The following SEMA5A variants were observed in gnomAD, a reference collection of about 807,000 sequenced individuals.
SEMA5A encodes semaphorin-5A.
Under a neutral mutation model 135.5 loss-of-function variants are expected in SEMA5A, and 55 were observed. The observed-to-expected ratio is 0.41, with a 90% CI of 0.33 to 0.51. The LOEUF is 0.51. Among genes scored for constraint, SEMA5A ranks in the 20% least tolerant of loss-of-function variants. The pLI is 0.37. For synonymous variants in SEMA5A, 580 were observed against 546.5 expected (o/e 1.06, Z -0.85); for missense variants, 1,290 against 1,419.9 (o/e 0.91, Z 1.47).
At position 9,132,214 on chromosome 5, in the gene SEMA5A, AT is replaced by A. The variant is rs1741476513; in HGVS notation, c.1599+4289del. On this transcript the variant is annotated intron_variant, in intron 13 of 22. Coordinates refer to ENST00000382496, the MANE Select transcript of SEMA5A (RefSeq NM_003966.3). ...AAAATAAGTCTTCTTTAAGTCCCTA[AT>A]TCCCTAGAAATATTTATTGGGGGTC... 2.0e-5 allele frequency among the ~76,000 whole-genome samples: 3 copies of A among 152,206 alleles called. No individual in the cohort carries two copies. The South Asian group carries it at 6.2e-4, about 32-fold the overall frequency.
At chr5:9,412,500 T>C (rs1250426176) in intron 2 of SEMA5A, among the ~76,000 whole-genome samples, 1 of 151,502 alleles carries the variant, frequency 6.6e-6, no homozygotes, top group Non-Finnish European at 1.5e-5. Flanking sequence ...CTTTTTTTTT[T>C]TTTTTTTCAC....
intron 10 of SEMA5A, among the ~76,000 whole-genome samples, chr5:9,192,330 GA>G (rs1745157172): frequency 6.6e-6 from 1 of 152,262 alleles, no homozygotes; most frequent in South Asian, 2.1e-4. Context: ...GGGCTACTGT[GA>G]GACCAGCTGA....
chr5:9,048,967 A>C (rs1191808181), intron 21 of SEMA5A, among the ~76,000 whole-genome samples: 2 of 152,080 alleles, frequency 1.3e-5, no homozygotes, highest in Non-Finnish European at 2.9e-5. Flanking sequence ...GGGGTCTCTG[A>C]TGATATGATT....
chr5:9,095,553 G>C (rs571853472), intron 16 of SEMA5A, among the ~76,000 whole-genome samples: 1 of 152,270 alleles, frequency 6.6e-6, no homozygotes, highest in African/African-American at 2.4e-5. Context: ...ATAAAAAATA[G>C]TCAATGTTTT....
At position 9,038,232 on chromosome 5, in the gene SEMA5A, C is replaced by CA. The variant is rs1735759333; in HGVS notation, c.*4664dup. On this transcript the variant is annotated 3_prime_UTR_variant, in exon 23 of 23. Coordinates refer to ENST00000382496, the MANE Select transcript of SEMA5A (RefSeq NM_003966.3). Reference sequence around the variant, plus strand: ...ATATAGTTAAGGTTATTAGTACCGTCATAGAAATTGATTATTGGAGGTGTG... The same window carrying CA: ...ATATAGTTAAGGTTATTAGTACCGTCAATAGAAATTGATTATTGGAGGTGTG... 1 of 152,192 alleles carries CA rather than the reference C, an allele frequency of 6.6e-6. No homozygotes were observed. The highest frequency in any genetic ancestry group is 6.5e-5 in the Admixed American group (1 of 15,280). The allele number at this position is 152,192 out of a possible 1,614,324, so 9.4% of individuals were successfully genotyped here.
chr5:9,044,649 A>G, intron 21 of SEMA5A, 65 bp from the exon 22 acceptor site: 1 of 1,354,706 alleles, frequency 7.4e-7, no homozygotes, highest in Non-Finnish European at 1.1e-6. Context: ...TACTCAAAGC[A>G]CTAGGATGAA....
At chr5:9,315,776 T>C (rs1752361996) in intron 5 of SEMA5A, among the ~76,000 whole-genome samples, 1 of 152,202 alleles carries the variant, frequency 6.6e-6, no homozygotes, top group Admixed American at 6.6e-5. Context: ...TCTGTCCCAT[T>C]GCTGGTGAAG....
At chr5:9,378,402 G>C (rs1464451273) in intron 3 of SEMA5A, among the ~76,000 whole-genome samples, 1 of 152,188 alleles carries the variant, frequency 6.6e-6, no homozygotes, top group Non-Finnish European at 1.5e-5. Flanking sequence ...AGTAGATTGA[G>C]GCTGTGATCA....
chr5:9,424,306 G>A (rs2126638667), intron 2 of SEMA5A, among the ~76,000 whole-genome samples: 2 of 152,318 alleles, frequency 1.3e-5, no homozygotes, highest in South Asian at 4.1e-4. Context: ...CTAAGATGTT[G>A]AATGAAATCC....
intron 5 of SEMA5A, among the ~76,000 whole-genome samples, chr5:9,303,355 A>C (rs1344318111): frequency 6.6e-5 from 10 of 152,128 alleles, no homozygotes. Context: ...TAACCTCGTG[A>C]TCCACCTGCC....
At chr5:9,455,769 C>G (rs1375345756) in intron 1 of SEMA5A, among the ~76,000 whole-genome samples, 1 of 152,102 alleles carries the variant, frequency 6.6e-6, no homozygotes, top group East Asian at 1.9e-4. Flanking sequence ...GAAGCTAAAA[C>G]AAGGACGTGT....
chr5:9,246,265 C>T (rs539634185), intron 5 of SEMA5A, among the ~76,000 whole-genome samples: 1 of 149,564 alleles, frequency 6.7e-6, no homozygotes, highest in African/African-American at 2.6e-5. Flanking sequence ...TATTTTTATA[C>T]ATGAATTTCC....
intron 3 of SEMA5A, among the ~76,000 whole-genome samples, chr5:9,340,442 C>T (rs1300102490): frequency 6.6e-6 from 1 of 152,120 alleles, no homozygotes; most frequent in African/African-American, 2.4e-5. Context: ...TACTCTTTTC[C>T]CATGCATTCA....
rs542944376 is a variant in SEMA5A, at chr5:9,211,145, G to A, written c.647-8905C>T. Among the ~76,000 whole-genome samples, 10 of 152,230 alleles carry A rather than the reference G, an allele frequency of 6.6e-5. No homozygotes were observed. The South Asian group carries it at 1.5e-3, about 22-fold the overall frequency. ...TTTGCTCAACACACTTTCCATCCAT[G>A]TCATCTCATCTTCACCCTAGCAAGT... is the stretch of plus-strand genomic sequence containing the variant. On this transcript the variant is annotated intron_variant, in intron 8 of 22. Transcript: ENST00000382496.
At chr5:9,418,103 A>T (rs1464511289) in intron 2 of SEMA5A, among the ~76,000 whole-genome samples, 1 of 151,796 alleles carries the variant, frequency 6.6e-6, no homozygotes, top group East Asian at 1.9e-4. Flanking sequence ...CAGCCTCCCG[A>T]GTAGCTGGGA....
intron 1 of SEMA5A, among the ~76,000 whole-genome samples, chr5:9,461,010 T>C (rs16882848): frequency 0.3 from 45,648 of 152,084 alleles, 7,239 homozygotes; most frequent in East Asian, 0.54. Context: ...CTCTATCACT[T>C]CTCTTGGTCT....
At chr5:9,486,391 T>C (rs1734727195) in intron 1 of SEMA5A, among the ~76,000 whole-genome samples, 1 of 152,222 alleles carries the variant, frequency 6.6e-6, no homozygotes, top group South Asian at 2.1e-4. Flanking sequence ...TGTATACCTA[T>C]GTAACGAACC....
intron 3 of SEMA5A, among the ~76,000 whole-genome samples, chr5:9,372,330 C>T (rs916926935): frequency 1.3e-5 from 2 of 152,216 alleles, no homozygotes; most frequent in Admixed American, 1.3e-4. Flanking sequence ...TCATGAGACA[C>T]GCATGGAGCC....
intron 11 of SEMA5A, among the ~76,000 whole-genome samples, chr5:9,183,495 C>T (rs1451587014): frequency 6.6e-6 from 1 of 152,212 alleles, no homozygotes; most frequent in African/African-American, 2.4e-5. Context: ...CCACCAGCTG[C>T]TCAGCATCAA....
Sources: allele counts gnomAD v4.1 joint callset (sites outside exome capture counted in the v4.1 genomes callset), GRCh38; gene constraint gnomAD v4.1.1; transcripts MANE v1.5; gene names NCBI Gene and HGNC (gene_info 2026-07-23, HGNC 2026-07-21).